The following PHLDB2 variants were observed in gnomAD, a reference collection of about 807,000 sequenced individuals.
PHLDB2 encodes pleckstrin homology like domain family B member 2.
Under a neutral mutation model 123.6 loss-of-function variants are expected in PHLDB2, and 71 were observed. That is an observed-to-expected ratio of 0.57 (90% CI 0.47 to 0.70). The LOEUF (loss-of-function observed/expected upper bound fraction) is 0.70, where lower values mean the gene tolerates loss of function less well. PHLDB2 is among the 30% of genes least tolerant of loss of function. The probability of loss-of-function intolerance (pLI) is 0.00; values close to 1 mark genes in which losing one functional copy is unlikely to be tolerated. For synonymous variants in PHLDB2, 547 were observed against 541.6 expected (o/e 1.01, Z -0.14); for missense variants, 1,446 against 1,519.5 (o/e 0.95, Z 0.80).
intron 12 of PHLDB2, chr3:111,958,779 T>TA (rs1447436606): frequency 2.2e-6 from 1 of 450,988 alleles, no homozygotes; most frequent in Non-Finnish European, 4.4e-6. Context: ...GCTACATAAT[T>TA]AAAAAACAGA....
chr3:111,743,288 G>C (rs1284720284), intron 1 of PHLDB2, among the ~76,000 whole-genome samples: 1 of 152,120 alleles, frequency 6.6e-6, no homozygotes, highest in East Asian at 1.9e-4. Flanking sequence ...TTAACTAAAA[G>C]GTAGGAAAAA....
chr3:111,953,884 A>C (rs537146591), intron 11 of PHLDB2, 46 bp from the exon 12 acceptor site: 9 of 1,491,856 alleles, frequency 6.0e-6, no homozygotes, highest in Non-Finnish European at 8.4e-6. Flanking sequence ...CTAAAGGTCC[A>C]TTCAGCCTGC....
At position 111,769,496 on chromosome 3, in the gene PHLDB2, G is replaced by C. The variant is rs188798079; in HGVS notation, c.-49+36793G>C. Among the ~76,000 whole-genome samples, 3 of 152,092 alleles carry C rather than the reference G, an allele frequency of 2.0e-5. No individual in the cohort carries two copies. The South Asian group carries it at 6.2e-4, about 31-fold the overall frequency. On this transcript the variant is annotated intron_variant, in intron 1 of 17. Transcript: ENST00000393923. ...TTCATTATCTGTCTTTCCCTCATCTGAACAGTTTGTAGCTCAGATCAGGTG... is the reference window on the plus strand; with the variant it reads ...TTCATTATCTGTCTTTCCCTCATCTCAACAGTTTGTAGCTCAGATCAGGTG...
intron 1 of PHLDB2, among the ~76,000 whole-genome samples, chr3:111,760,704 G>T (rs1320440855): frequency 6.6e-6 from 1 of 151,262 alleles, no homozygotes; most frequent in Admixed American, 6.6e-5. Context: ...TTTTTTTCCT[G>T]AGAGCCACGT....
chr3:111,959,230 G>A (rs1264760160), intron 12 of PHLDB2, among the ~76,000 whole-genome samples: 4 of 152,256 alleles, frequency 2.6e-5, no homozygotes, highest in African/African-American at 7.2e-5. Flanking sequence ...TGGTTCAATT[G>A]CAGGATCACA....
chr3:111,971,692 C>T (rs894332940), intron 16 of PHLDB2, among the ~76,000 whole-genome samples: 1 of 152,166 alleles, frequency 6.6e-6, no homozygotes, highest in Non-Finnish European at 1.5e-5. Flanking sequence ...AGTCCGCAGG[C>T]AGTCATCCAG....
At chr3:111,823,021 G>C (rs2062480849) in intron 1 of PHLDB2, among the ~76,000 whole-genome samples, 1 of 152,252 alleles carries the variant, frequency 6.6e-6, no homozygotes, top group Admixed American at 6.5e-5. Flanking sequence ...CAGTGATGAT[G>C]TCTGTATCAC....
rs1411845145 is a variant in PHLDB2, at chr3:111,954,004, C to T, written c.2847C>T (p.Asp949=). Residue 949 remains aspartate, a synonymous_variant, in exon 12 of 18, where the codon GAC becomes GAT. Transcript: ENST00000431670. ...LPPSLAAMAK[D]SESRRMLRGY... ...CCTCACTGGCAGCCATGGCCAAAGA[C>T]TCAGAATCTCGGAGGATGCTCAGAG... The T allele has an allele frequency of 2.5e-6, 4 of 1,613,636 alleles. No individual in the cohort carries two copies. The highest frequency in any genetic ancestry group is 3.4e-6 in the Non-Finnish European group (4 of 1,179,734).
At chr3:111,908,969 A>C (rs2067712345) in intron 2 of PHLDB2, among the ~76,000 whole-genome samples, 1 of 152,176 alleles carries the variant, frequency 6.6e-6, no homozygotes, top group Admixed American at 6.5e-5. Context: ...GTAATCCCTA[A>C]GAGGAAGAAA....
chr3:111,859,712 A>G, intron 1 of PHLDB2, 136 bp downstream of exon 1: 1 of 984,498 alleles, frequency 1.0e-6, no homozygotes, highest in Non-Finnish European at 1.2e-6. Flanking sequence ...TTGGGGGCGG[A>G]GAGGAGGCAG....
rs1234630010 is a variant in PHLDB2, at chr3:111,939,550, C to A, written c.2206C>A (p.Leu736Ile). 9 of 1,613,846 alleles carry A rather than the reference C, an allele frequency of 5.6e-6. No individual in the cohort carries two copies. The highest frequency in any genetic ancestry group is 7.6e-6 in the Non-Finnish European group (9 of 1,179,934). ...CCAGCAGCTTGAACATGAGAGCCGTCTAGATGAAGAAAAGGAGAACTTGAC... is the reference window on the plus strand; with the variant it reads ...CCAGCAGCTTGAACATGAGAGCCGTATAGATGAAGAAAAGGAGAACTTGAC... ...EFQQLEHESR[L>I]DEEKENLTQQ... The change falls in exon 7 of 18, where the codon CTA becomes ATA. Residue 736 changes from leucine (L) to isoleucine (I), a missense_variant. Physicochemically the swap from Leu to Ile is conservative, Grantham distance 5 (BLOSUM62 2). Coordinates refer to ENST00000431670, the MANE Select transcript of PHLDB2 (RefSeq NM_001134438.2).
chr3:111,945,535 C>A, intron 9 of PHLDB2, 178 bp downstream of exon 9: 1 of 628,296 alleles, frequency 1.6e-6, no homozygotes, highest in Non-Finnish European at 2.8e-6. Context: ...CAGAGATTAT[C>A]CTTGTGTCTA....
chr3:111,755,796 T>C (rs1490247361), intron 1 of PHLDB2, among the ~76,000 whole-genome samples: 18 of 148,218 alleles, frequency 1.2e-4, no homozygotes, highest in African/African-American at 4.1e-4. Flanking sequence ...TTTAGTGCTA[T>C]AAATTTCCCT....
At chr3:111,867,940 A>T (rs1036825031) in intron 1 of PHLDB2, among the ~76,000 whole-genome samples, 2 of 151,778 alleles carry the variant, frequency 1.3e-5, no homozygotes, top group African/African-American at 2.4e-5. Context: ...GGCTCCAGTG[A>T]TCTGCCTGCC....
At chr3:111,811,348 A>C (rs1056580964) in intron 1 of PHLDB2, among the ~76,000 whole-genome samples, 6 of 152,172 alleles carry the variant, frequency 3.9e-5, no homozygotes, top group Non-Finnish European at 7.3e-5. Flanking sequence ...AATGTATTCT[A>C]CTGTGGTCAG....
intron 1 of PHLDB2, among the ~76,000 whole-genome samples, chr3:111,804,223 G>A (rs969386661): frequency 3.9e-5 from 6 of 152,140 alleles, no homozygotes; most frequent in Admixed American, 2.6e-4. Context: ...CCCTTTGGTG[G>A]ACAATATTGT....
intron 1 of PHLDB2, among the ~76,000 whole-genome samples, chr3:111,819,886 G>C (rs1165683848): frequency 1.3e-5 from 2 of 152,192 alleles, no homozygotes; most frequent in Admixed American, 1.3e-4. Flanking sequence ...AAATTACTGA[G>C]TTTGAAACCA....
intron 1 of PHLDB2, among the ~76,000 whole-genome samples, chr3:111,774,932 T>C (rs1197668605): frequency 6.6e-6 from 1 of 152,150 alleles, no homozygotes; most frequent in African/African-American, 2.4e-5. Flanking sequence ...GGATTCTGCC[T>C]GAATCTCATC....
intron 1 of PHLDB2, among the ~76,000 whole-genome samples, chr3:111,866,344 C>G (rs1036205181): frequency 6.6e-6 from 1 of 151,930 alleles, no homozygotes; most frequent in Non-Finnish European, 1.5e-5. Flanking sequence ...TGATGTAAAG[C>G]GAAATGCATT....
Sources: gnomAD v4.1 joint callset for allele counts (sites outside exome capture counted in the v4.1 genomes callset) on GRCh38, gnomAD v4.1.1 for gene constraint, MANE v1.5 for transcripts, NCBI Gene and HGNC (gene_info 2026-07-23, HGNC 2026-07-21) for gene names.